Variants in ITPR1 observed in about 807,000 individuals in gnomAD.
ITPR1 encodes inositol 1,4,5-trisphosphate-gated calcium channel ITPR1.
A neutral mutation model predicts 318.4 loss-of-function variants in ITPR1; 96 were observed. The observed-to-expected ratio is 0.30, with a 90% CI of 0.26 to 0.36. The LOEUF (loss-of-function observed/expected upper bound fraction) is 0.36. ITPR1 is among the 10% of genes least tolerant of loss of function. The pLI is 1.00. For missense variants in ITPR1, 2,440 were observed against 3,460.2 expected, an observed-to-expected ratio of 0.71 and a Z score of 7.40; for synonymous variants, 1,312 against 1,289.9, an observed-to-expected ratio of 1.02 and a Z score of -0.37.
chr3:4,799,452 A>G (rs1465162419), intron 53 of ITPR1, among the ~76,000 whole-genome samples: 1 of 152,090 alleles, frequency 6.6e-6, no homozygotes, highest in Non-Finnish European at 1.5e-5. Flanking sequence ...GCGTGGACTC[A>G]ATGAACTAGG....
intron 2 of ITPR1, among the ~76,000 whole-genome samples, chr3:4,510,936 G>A (rs2081771476): frequency 6.6e-6 from 1 of 152,152 alleles, no homozygotes; most frequent in Admixed American, 6.5e-5. Flanking sequence ...CTGTGGCAGG[G>A]AACATGAGAG....
chr3:4,677,475 G>A (rs2094207887), intron 24 of ITPR1, among the ~76,000 whole-genome samples: 1 of 152,210 alleles, frequency 6.6e-6, no homozygotes, highest in Non-Finnish European at 1.5e-5. Flanking sequence ...ACACCTGAAT[G>A]AAGTGAGGAG....
intron 44 of ITPR1, among the ~76,000 whole-genome samples, chr3:4,739,292 G>A (rs1489008731): frequency 6.6e-6 from 1 of 152,194 alleles, no homozygotes; most frequent in Non-Finnish European, 1.5e-5. Context: ...GGTTCTTGCC[G>A]GAGCTGGTGG....
At chr3:4,675,625 G>C (rs1471806419) in intron 23 of ITPR1, among the ~76,000 whole-genome samples, 1 of 151,970 alleles carries the variant, frequency 6.6e-6, no homozygotes, top group Non-Finnish European at 1.5e-5. Flanking sequence ...CATTGTTCTT[G>C]ACATTCGTGA....
chr3:4,563,196 CAG>C (rs1361616134), intron 4 of ITPR1, among the ~76,000 whole-genome samples: 8 of 152,204 alleles, frequency 5.3e-5, no homozygotes, highest in African/African-American at 1.9e-4. Flanking sequence ...ATGCACACCT[CAG>C]GGAGTAGTCA....
intron 4 of ITPR1, among the ~76,000 whole-genome samples, chr3:4,596,897 G>C (rs2090871736): frequency 6.6e-6 from 1 of 152,222 alleles, no homozygotes; most frequent in African/African-American, 2.4e-5. Context: ...GTCAGTAAAA[G>C]TACGTCACCT....
chr3:4,737,146 G>A (rs2043332560), intron 44 of ITPR1, among the ~76,000 whole-genome samples: 1 of 152,064 alleles, frequency 6.6e-6, no homozygotes, highest in African/African-American at 2.4e-5. Flanking sequence ...GAAACCCTAG[G>A]TTGTTATTCC....
chr3:4,691,136 T>C lies in ITPR1; in HGVS notation c.3829-8T>C. On this transcript the variant is annotated splice_polypyrimidine_tract_variant and splice_region_variant and intron_variant, in intron 31 of 61. Coordinates refer to ENST00000649015, the MANE Select transcript of ITPR1 (RefSeq NM_001378452.1). The stretch of plus-strand genomic sequence containing the variant: ...GTCCCTGTGCTCTTTTCCTCACTCT[T>C]GTGCCAGATCCTGGAGGCAGTAACC... 6.3e-7 allele frequency: 1 copy of C among 1,599,836 alleles called. No homozygotes were observed.
chr3:4,667,115 G>A (rs1473024159), intron 17 of ITPR1, among the ~76,000 whole-genome samples: 4 of 152,148 alleles, frequency 2.6e-5, no homozygotes, highest in Non-Finnish European at 5.9e-5. Context: ...TTTATACTGT[G>A]CACTTAATAA....
intron 44 of ITPR1, among the ~76,000 whole-genome samples, chr3:4,756,605 G>A (rs115141525): frequency 1.1e-3 from 164 of 151,868 alleles, no homozygotes; most frequent in African/African-American, 3.9e-3. Flanking sequence ...TCCTGCATTC[G>A]TTTGCTGAGG....
chr3:4,832,641 A>AG (rs2050597718), intron 60 of ITPR1, among the ~76,000 whole-genome samples: 1 of 152,262 alleles, frequency 6.6e-6, no homozygotes, highest in South Asian at 2.1e-4. Flanking sequence ...TCTCAAAAAA[A>AG]TAAATTGACC....
chr3:4,501,875 T>C (rs895157732), intron 2 of ITPR1, among the ~76,000 whole-genome samples: 32 of 152,254 alleles, frequency 2.1e-4, no homozygotes, highest in Admixed American at 1.8e-3. Context: ...GAGGAACTTA[T>C]GTTTTATCAT....
intron 61 of ITPR1, among the ~76,000 whole-genome samples, chr3:4,842,041 T>C (rs998553749): frequency 1.3e-5 from 2 of 152,234 alleles, no homozygotes; most frequent in African/African-American, 4.8e-5. Flanking sequence ...ACTATTAAGA[T>C]GTGTTATAAA....
intron 44 of ITPR1, among the ~76,000 whole-genome samples, chr3:4,745,471 T>G (rs1222871329): frequency 6.6e-6 from 1 of 152,222 alleles, no homozygotes; most frequent in Non-Finnish European, 1.5e-5. Flanking sequence ...GGTTTCAGGT[T>G]AGTCACTCCC....
intron 4 of ITPR1, among the ~76,000 whole-genome samples, chr3:4,545,546 C>T (rs2084892362): frequency 6.7e-6 from 1 of 148,912 alleles, no homozygotes; most frequent in Non-Finnish European, 1.5e-5. Flanking sequence ...TCTCTGGACC[C>T]TAGGAGACTG....
intron 44 of ITPR1, among the ~76,000 whole-genome samples, chr3:4,754,127 G>A (rs970617510): frequency 6.6e-6 from 1 of 151,776 alleles, no homozygotes; most frequent in African/African-American, 2.4e-5. Context: ...GGAGCATTGA[G>A]GACAGGAAAT....
intron 2 of ITPR1, among the ~76,000 whole-genome samples, chr3:4,500,520 T>C (rs9848427): frequency 0.014 from 2,126 of 152,066 alleles, 56 homozygotes; most frequent in African/African-American, 0.049. Context: ...TATTTAGAGA[T>C]CTCCACCTAG....
chr3:4,626,863 A>C (rs774900348), intron 4 of ITPR1, among the ~76,000 whole-genome samples: 1 of 152,136 alleles, frequency 6.6e-6, no homozygotes, highest in Admixed American at 6.5e-5. Context: ...CTGCCGCCCA[A>C]ACTGGAGTGC....
chr3:4,632,133 A>G (rs1310848701), intron 5 of ITPR1, among the ~76,000 whole-genome samples: 1 of 152,140 alleles, frequency 6.6e-6, no homozygotes, highest in Non-Finnish European at 1.5e-5. Flanking sequence ...TAATCTCCTC[A>G]AAGTCTGTGC....
Sources: gnomAD v4.1 joint callset for allele counts (sites outside exome capture counted in the v4.1 genomes callset) on GRCh38, gnomAD v4.1.1 for gene constraint, MANE v1.5 for transcripts, NCBI Gene and HGNC (gene_info 2026-07-23, HGNC 2026-07-21) for gene names.